APBA2: variants seen among roughly 807,000 people sequenced by gnomAD.
APBA2 encodes amyloid beta precursor protein binding family A member 2.
Under a neutral mutation model 75.0 loss-of-function variants are expected in APBA2, and 30 were observed. The observed-to-expected ratio is 0.40, with a 90% confidence interval of 0.30 to 0.54. The LOEUF is 0.54. Among genes scored for constraint, APBA2 ranks in the 20% least tolerant of loss-of-function variants. APBA2 has a pLI of 0.49. For missense variants in APBA2, 801 were observed against 1,016.1 expected (o/e 0.79, Z 2.88); for synonymous variants, 444 against 409.6 (o/e 1.08, Z -1.01).
In APBA2 at chr15:29,050,880, G is replaced by A. The variant is rs564011716; in HGVS notation, c.-40-2965G>A. ...GCACAGCTTGATGTCAGAGCCTGGC[G>A]AGAAACAGGGATGCTGTAGAGATGG... On this transcript the variant is annotated intron_variant, in intron 3 of 14. Transcript: ENST00000683413. Among the ~76,000 whole-genome samples, 12 of 152,324 alleles carry A rather than the reference G, an allele frequency of 7.9e-5. No homozygotes were observed. The South Asian group carries it at 2.3e-3, about 29-fold the overall frequency.
At chr15:28,912,544 C>T (rs1183987399) in intron 1 of APBA2, among the ~76,000 whole-genome samples, 5 of 152,338 alleles carry the variant, frequency 3.3e-5, no homozygotes, top group South Asian at 2.1e-4. Context: ...AGGGTGAGCG[C>T]GGTTCAGGCT....
chr15:29,106,125 G>A (rs919518586), intron 11 of APBA2, among the ~76,000 whole-genome samples: 10 of 152,250 alleles, frequency 6.6e-5, no homozygotes, highest in Non-Finnish European at 8.8e-5. Context: ...GACATTCCAG[G>A]CAGTTTCTGA....
At chr15:29,089,891 T>TA (rs1046417945) in intron 6 of APBA2, among the ~76,000 whole-genome samples, 2 of 152,188 alleles carry the variant, frequency 1.3e-5, no homozygotes, top group Admixed American at 6.5e-5. Context: ...GGTCTCAGCT[T>TA]AGGGTCAGTG....
intron 2 of APBA2, among the ~76,000 whole-genome samples, chr15:28,995,367 G>T (rs1408172327): frequency 6.6e-6 from 1 of 151,992 alleles, no homozygotes; most frequent in Non-Finnish European, 1.5e-5. Context: ...CACACCCTCC[G>T]CAGTCTGAAA....
At chr15:28,949,322 A>C (rs1339882787) in intron 2 of APBA2, among the ~76,000 whole-genome samples, 1 of 152,180 alleles carries the variant, frequency 6.6e-6, no homozygotes, top group Non-Finnish European at 1.5e-5. Flanking sequence ...GATTCAGTGG[A>C]GGCAGCAAGT....
At chr15:28,955,610 G>A (rs955636655) in intron 2 of APBA2, among the ~76,000 whole-genome samples, 6 of 152,258 alleles carry the variant, frequency 3.9e-5, no homozygotes, top group Non-Finnish European at 8.8e-5. Context: ...TTTCTTCTGA[G>A]TAATTAAGAG....
intron 6 of APBA2, among the ~76,000 whole-genome samples, chr15:29,083,882 T>G (rs1275423489): frequency 6.6e-6 from 1 of 152,176 alleles, no homozygotes; most frequent in South Asian, 2.1e-4. Flanking sequence ...AGTCTGTCCA[T>G]TTAGGGGAAA....
chr15:29,049,180 A>G (rs1159270090), intron 3 of APBA2, among the ~76,000 whole-genome samples: 1 of 152,174 alleles, frequency 6.6e-6, no homozygotes, highest in Non-Finnish European at 1.5e-5. Context: ...TTTTATGAAT[A>G]CTGATGCCTA....
intron 2 of APBA2, among the ~76,000 whole-genome samples, chr15:28,947,311 C>G (rs999239561): frequency 2.6e-5 from 4 of 152,202 alleles, no homozygotes; most frequent in Non-Finnish European, 2.9e-5. Context: ...CTCCCCATCC[C>G]TCTGTGGGTG....
At chr15:29,113,360 G>A (rs1448414252) in intron 13 of APBA2, among the ~76,000 whole-genome samples, 1 of 152,066 alleles carries the variant, frequency 6.6e-6, no homozygotes, top group African/African-American at 2.4e-5. Context: ...GCGGGGGGGG[G>A]ATGTAGGAAT....
rs2042034661 is a variant in APBA2, at chr15:29,059,331, C to T, written c.951+4496C>T. Among the ~76,000 whole-genome samples, 3 of 152,106 alleles carry T rather than the reference C, an allele frequency of 2.0e-5. No individual in the cohort carries two copies. In the South Asian group the frequency reaches 6.2e-4, roughly 32 times the overall value. On this transcript the variant is annotated intron_variant, in intron 4 of 14. Coordinates refer to ENST00000683413, the MANE Select transcript of APBA2 (RefSeq NM_001353788.2). ...GCCTTACATGTGCTAGAGAAGCTTC[C>T]TTCAGGGCTGAGCGACAGTGCTGAC...
intron 3 of APBA2, among the ~76,000 whole-genome samples, chr15:29,048,957 G>T (rs1383220236): frequency 2.0e-5 from 3 of 148,796 alleles, no homozygotes; most frequent in Non-Finnish European, 4.5e-5. Flanking sequence ...AAAAAAAAAA[G>T]AATTTAGTGT....
chr15:29,052,602 C>A (rs140035719), intron 3 of APBA2, among the ~76,000 whole-genome samples: 32 of 152,208 alleles, frequency 2.1e-4, no homozygotes, highest in African/African-American at 6.7e-4. Flanking sequence ...TCTGTCCCCA[C>A]GCCAGGCCCA....
At chr15:28,937,742 C>T (rs1237703568) in intron 2 of APBA2, among the ~76,000 whole-genome samples, 6 of 151,998 alleles carry the variant, frequency 3.9e-5, no homozygotes, top group African/African-American at 7.3e-5. Context: ...CTGCAAGCTC[C>T]GCCTCCTGGG....
chr15:29,037,781 C>G (rs984923322), intron 3 of APBA2, among the ~76,000 whole-genome samples: 5 of 152,074 alleles, frequency 3.3e-5, no homozygotes, highest in African/African-American at 1.2e-4. Flanking sequence ...CTGGTGAGGG[C>G]CTTTGTGCTG....
intron 3 of APBA2, among the ~76,000 whole-genome samples, chr15:29,049,289 A>G (rs1260626765): frequency 6.6e-6 from 1 of 152,236 alleles, no homozygotes; most frequent in Non-Finnish European, 1.5e-5. Context: ...TGGGGTAACC[A>G]TCGTGGAGAA....
At position 29,101,800 on chromosome 15, in the gene APBA2, C is replaced by T. The variant is rs1409086532; in HGVS notation, c.1524+16C>T. The T allele has an allele frequency of 6.2e-7, 1 of 1,609,934 alleles. No individual in the cohort carries two copies. Among genetic ancestry groups the T allele is most frequent in the Admixed American group, 1.7e-5 (1 of 59,616 alleles). Reference sequence around the variant, plus strand: ...GTCGGAGGATGTAAGTAAGCCCTTGCCAGGGCACTCCCCTCCCAAAGTTCA... The same window carrying T: ...GTCGGAGGATGTAAGTAAGCCCTTGTCAGGGCACTCCCCTCCCAAAGTTCA... On this transcript the variant is annotated intron_variant, in intron 10 of 14. Coordinates refer to ENST00000683413, the MANE Select transcript of APBA2 (RefSeq NM_001353788.2).
At chr15:29,062,305 C>G (rs768103164) in intron 4 of APBA2, among the ~76,000 whole-genome samples, 1 of 152,168 alleles carries the variant, frequency 6.6e-6, no homozygotes, top group Non-Finnish European at 1.5e-5. Context: ...TGTCCCCTGT[C>G]GTCTGTACTG....
chr15:29,039,987 C>A (rs1340281570), intron 3 of APBA2, among the ~76,000 whole-genome samples: 1 of 152,176 alleles, frequency 6.6e-6, no homozygotes, highest in Admixed American at 6.5e-5. Flanking sequence ...TGAGTGCTGA[C>A]TGATTTGGGA....
Sources: allele counts gnomAD v4.1 joint callset (sites outside exome capture counted in the v4.1 genomes callset), GRCh38; gene constraint gnomAD v4.1.1; transcripts MANE v1.5; gene names NCBI Gene and HGNC (gene_info 2026-07-23, HGNC 2026-07-21).